LRRC4C: variants seen among roughly 807,000 people sequenced by gnomAD.
The protein encoded by LRRC4C is leucine rich repeat containing 4C.
A neutral mutation model predicts 33.6 loss-of-function variants in LRRC4C; 5 were observed. The observed-to-expected ratio is 0.15, with a 90% CI of 0.08 to 0.31. The LOEUF (loss-of-function observed/expected upper bound fraction) is 0.31. LRRC4C is among the 10% of genes least tolerant of loss of function. The pLI is 1.00. For missense variants in LRRC4C, 560 were observed against 796.7 expected, an observed-to-expected ratio of 0.70 and a Z score of 3.58; for synonymous variants, 329 against 302.0, an observed-to-expected ratio of 1.09 and a Z score of -0.93.
chr11:40,227,273 A>G (rs1483405514), intron 5 of LRRC4C, among the ~76,000 whole-genome samples: 1 of 152,218 alleles, frequency 6.6e-6, no homozygotes, highest in Non-Finnish European at 1.5e-5. Context: ...CTCCCAGTGG[A>G]TTATGAGCAT....
At chr11:40,542,041 T>G (rs1171632654) in intron 3 of LRRC4C, among the ~76,000 whole-genome samples, 2 of 120,794 alleles carry the variant, frequency 1.7e-5, no homozygotes, top group Admixed American at 1.9e-4. Context: ...TTTCTCTTTC[T>G]TTCTCTTTCT....
chr11:40,125,321 G>A (rs1016409158), intron 6 of LRRC4C, among the ~76,000 whole-genome samples: 7 of 152,106 alleles, frequency 4.6e-5, no homozygotes, highest in Non-Finnish European at 1.0e-4. Flanking sequence ...GCCATCTTGT[G>A]GCCAAGAGGG....
At chr11:41,274,951 G>A (rs781366276) in intron 1 of LRRC4C, among the ~76,000 whole-genome samples, 25 of 152,104 alleles carry the variant, frequency 1.6e-4, no homozygotes, top group Non-Finnish European at 2.8e-4. Context: ...CCTACTGGGA[G>A]ATGTATGGGT....
intron 3 of LRRC4C, among the ~76,000 whole-genome samples, chr11:40,536,820 T>C (rs1956495120): frequency 6.6e-6 from 1 of 152,160 alleles, no homozygotes; most frequent in African/African-American, 2.4e-5. Context: ...CCTTCTTTTC[T>C]GTCACTTCTT....
At chr11:40,737,293 C>T (rs1947920092) in intron 2 of LRRC4C, among the ~76,000 whole-genome samples, 1 of 152,006 alleles carries the variant, frequency 6.6e-6, no homozygotes, top group Admixed American at 6.6e-5. Flanking sequence ...GGAAGCATTC[C>T]CTTTGAAAAC....
intron 1 of LRRC4C, among the ~76,000 whole-genome samples, chr11:41,165,887 T>C (rs1032245176): frequency 1.3e-5 from 2 of 151,906 alleles, no homozygotes. Flanking sequence ...AAAAAATAGC[T>C]GGGCATGGTG....
At chr11:40,751,576 A>G (rs1189121090) in intron 2 of LRRC4C, among the ~76,000 whole-genome samples, 2 of 152,146 alleles carry the variant, frequency 1.3e-5, no homozygotes, top group South Asian at 4.1e-4. Flanking sequence ...AAGGAAAACT[A>G]CAAAACATTG....
chr11:41,254,999 T>G (rs780018541), intron 1 of LRRC4C, among the ~76,000 whole-genome samples: 1 of 152,018 alleles, frequency 6.6e-6, no homozygotes. Context: ...TTAAACTTAC[T>G]GTGTGTTTAG....
chr11:40,926,049 TAA>T (rs1334260549), intron 2 of LRRC4C, among the ~76,000 whole-genome samples: 1 of 149,836 alleles, frequency 6.7e-6, no homozygotes, highest in African/African-American at 2.4e-5. Context: ...TTTTTTTTTT[TAA>T]GTCCAAATCT....
chr11:40,187,319 TTTTC>T (rs926438360), intron 5 of LRRC4C, among the ~76,000 whole-genome samples: 1 of 150,928 alleles, frequency 6.6e-6, no homozygotes, highest in Non-Finnish European at 1.5e-5. Flanking sequence ...CGGGAGAAAA[TTTTC>T]TTTCTTTTTT....
At chr11:41,120,520 AG>A (rs1256517125) in intron 1 of LRRC4C, among the ~76,000 whole-genome samples, 2 of 152,056 alleles carry the variant, frequency 1.3e-5, no homozygotes, top group Non-Finnish European at 2.9e-5. Context: ...TTGGGGAGAA[AG>A]TGAGCTAGGT....
intron 1 of LRRC4C, among the ~76,000 whole-genome samples, chr11:41,436,966 T>A (rs1955448803): frequency 6.6e-6 from 1 of 152,212 alleles, no homozygotes; most frequent in African/African-American, 2.4e-5. Context: ...CAAACTCTGA[T>A]AAAGGAACAG....
At position 40,139,191 on chromosome 11, in the gene LRRC4C, A is replaced by C. The variant is rs187508439; in HGVS notation, c.-43+1610T>G. Among the ~76,000 whole-genome samples the C allele has an allele frequency of 5.0e-3, 760 of 151,574 alleles. 10 individuals are homozygous for C. The highest frequency in any genetic ancestry group is 0.018 in the African/African-American group (729 of 40,856). On this transcript the variant is annotated intron_variant, in intron 6 of 6. Coordinates refer to ENST00000528697, the MANE Select transcript of LRRC4C (RefSeq NM_001258419.2). ...GGAAGAAAAGAAGACACATACACAG[A>C]GTGCTAGAGAGAAAAACAGTGAGCT...
intron 3 of LRRC4C, among the ~76,000 whole-genome samples, chr11:40,539,345 A>G (rs1956608901): frequency 6.6e-6 from 1 of 152,112 alleles, no homozygotes; most frequent in South Asian, 2.1e-4. Context: ...ATTTATTCTC[A>G]TATGCTTTTA....
chr11:40,381,144 C>T (rs1024819125), intron 3 of LRRC4C, among the ~76,000 whole-genome samples: 6 of 151,418 alleles, frequency 4.0e-5, no homozygotes, highest in Non-Finnish European at 8.8e-5. Context: ...TGGATTAATT[C>T]GACCTAGACA....
At chr11:40,125,018 CACAA>C (rs1856109579) in intron 6 of LRRC4C, among the ~76,000 whole-genome samples, 1 of 151,682 alleles carries the variant, frequency 6.6e-6, no homozygotes, top group Admixed American at 6.6e-5. Flanking sequence ...TTTAAAAATT[CACAA>C]ACATTCTTAG....
At chr11:40,780,917 G>A (rs1010234763) in intron 2 of LRRC4C, among the ~76,000 whole-genome samples, 3 of 151,898 alleles carry the variant, frequency 2.0e-5, no homozygotes, top group Non-Finnish European at 4.4e-5. Context: ...AAAGATGTGC[G>A]GAGAGAATGT....
chr11:40,833,434 A>C (rs1216399164), intron 2 of LRRC4C, among the ~76,000 whole-genome samples: 1 of 152,120 alleles, frequency 6.6e-6, no homozygotes, highest in African/African-American at 2.4e-5. Flanking sequence ...TATCCAATAT[A>C]TTGTCATTTT....
At chr11:41,219,471 C>T (rs1018233177) in intron 1 of LRRC4C, among the ~76,000 whole-genome samples, 2 of 152,244 alleles carry the variant, frequency 1.3e-5, no homozygotes, top group African/African-American at 4.8e-5. Flanking sequence ...TCAACTAAAA[C>T]TGAAGAAATC....
Sources: allele counts gnomAD v4.1 joint callset (sites outside exome capture counted in the v4.1 genomes callset), GRCh38; gene constraint gnomAD v4.1.1; transcripts MANE v1.5; gene names NCBI Gene and HGNC (gene_info 2026-07-23, HGNC 2026-07-21).